Variants in ASB7 observed in about 807,000 individuals in gnomAD.
The protein encoded by ASB7 is ankyrin repeat and SOCS box protein 7.
A neutral mutation model predicts 32.5 loss-of-function variants in ASB7; 4 were observed. The observed-to-expected ratio is 0.12, with a 90% CI of 0.06 to 0.28. ASB7 has a LOEUF of 0.28. Among genes scored for constraint, ASB7 ranks in the 10% least tolerant of loss-of-function variants. The pLI, the probability that ASB7 is intolerant of heterozygous loss-of-function variation, is 1.00. For synonymous variants in ASB7, 172 were observed against 155.6 expected (o/e 1.11, Z -0.78); for missense variants, 181 against 407.1 (o/e 0.44, Z 4.78).
At chr15:100,606,202 T>C (rs1272573703) in intron 2 of ASB7, among the ~76,000 whole-genome samples, 1 of 152,068 alleles carries the variant, frequency 6.6e-6, no homozygotes, top group African/African-American at 2.4e-5. Flanking sequence ...GTTTTTTTTT[T>C]CTCAGACCCA....
intron 5 of ASB7, among the ~76,000 whole-genome samples, chr15:100,636,280 G>A (rs1350285755): frequency 6.6e-6 from 1 of 152,152 alleles, no homozygotes; most frequent in Non-Finnish European, 1.5e-5. Context: ...TTGACTTTGA[G>A]TTTGTTCAGG....
In ASB7 at chr15:100,651,669, A is replaced by G. The variant is rs559477787; in HGVS notation, c.*3207A>G. The G allele has an allele frequency of 7.9e-5, 12 of 152,322 alleles. No homozygotes were observed. The highest frequency in any genetic ancestry group is 2.9e-4 in the African/African-American group (12 of 41,562). 9.4% of individuals were successfully genotyped at this position (152,322 alleles called of 1,614,324 possible). On this transcript the variant is annotated 3_prime_UTR_variant, in exon 6 of 6. Coordinates refer to ENST00000332783, the MANE Select transcript of ASB7 (RefSeq NM_198243.3). ...TTAATGTAAGTTTTGCTTTGGGTCA[A>G]TTTGAATTAAAAAAATCAAATCTGA...
At chr15:100,624,714 C>T (rs1000720234) in intron 4 of ASB7, among the ~76,000 whole-genome samples, 5 of 152,110 alleles carry the variant, frequency 3.3e-5, no homozygotes, top group African/African-American at 4.8e-5. Context: ...TATTAAAGGA[C>T]GTAAATAAGG....
intron 4 of ASB7, among the ~76,000 whole-genome samples, chr15:100,616,563 A>T (rs1024022157): frequency 6.6e-6 from 1 of 152,340 alleles, no homozygotes; most frequent in South Asian, 2.1e-4. Flanking sequence ...AGCCTAAATC[A>T]TGCCTTCTTT....
At chr15:100,622,659 G>A (rs1166993029) in intron 4 of ASB7, among the ~76,000 whole-genome samples, 1 of 152,142 alleles carries the variant, frequency 6.6e-6, no homozygotes, top group Non-Finnish European at 1.5e-5. Context: ...TTAGTAAACT[G>A]ATTTTCGACA....
At chr15:100,637,614 T>C (rs1429717040) in intron 5 of ASB7, among the ~76,000 whole-genome samples, 1 of 152,152 alleles carries the variant, frequency 6.6e-6, no homozygotes, top group Non-Finnish European at 1.5e-5. Flanking sequence ...TGGATTTTAA[T>C]GTAACAGAGT....
At chr15:100,631,748 A>C (rs978314473) in intron 5 of ASB7, among the ~76,000 whole-genome samples, 1 of 152,202 alleles carries the variant, frequency 6.6e-6, no homozygotes, top group Non-Finnish European at 1.5e-5. Flanking sequence ...CCTCACCTTC[A>C]AATTAAGATA....
intron 4 of ASB7, among the ~76,000 whole-genome samples, chr15:100,616,425 G>T (rs768947727): frequency 1.3e-5 from 2 of 152,108 alleles, no homozygotes; most frequent in Non-Finnish European, 2.9e-5. Flanking sequence ...GAAGTATACT[G>T]CAGGGTCATT....
At chr15:100,608,029 G>A (rs2039662226) in intron 2 of ASB7, among the ~76,000 whole-genome samples, 1 of 152,196 alleles carries the variant, frequency 6.6e-6, no homozygotes, top group Non-Finnish European at 1.5e-5. Context: ...CTTCAGGCTT[G>A]AAGCTATGTT....
intron 4 of ASB7, among the ~76,000 whole-genome samples, chr15:100,622,117 A>G (rs1253219859): frequency 1.3e-5 from 2 of 152,146 alleles, no homozygotes; most frequent in Non-Finnish European, 2.9e-5. Flanking sequence ...AAATCAACAT[A>G]CAAAAATCAG....
At chr15:100,604,367 C>T (rs1198152191) in intron 2 of ASB7, among the ~76,000 whole-genome samples, 2 of 152,112 alleles carry the variant, frequency 1.3e-5, no homozygotes, top group African/African-American at 2.4e-5. Flanking sequence ...AAATGGATGA[C>T]TTTTTTAACA....
At chr15:100,610,227 G>T (rs886100431) in intron 3 of ASB7, among the ~76,000 whole-genome samples, 2 of 152,102 alleles carry the variant, frequency 1.3e-5, no homozygotes, top group Non-Finnish European at 2.9e-5. Flanking sequence ...GGGCGCAGTG[G>T]CTCACGCCTG....
At position 100,648,436 on chromosome 15, in the gene ASB7, T is replaced by C; in HGVS notation, c.931T>C (p.Leu311=). The stretch of plus-strand genomic sequence containing the variant: ...AATTGCCAAGGTCATGAAAGACTAC[T>C]TAAAACACAAATTTGATGATATCTG... ...LPIAKVMKDY[L]KHKFDDI The change falls in exon 6 of 6, where the codon TTA becomes CTA. Residue 311 remains leucine (L), a synonymous_variant. Coordinates refer to ENST00000332783, the MANE Select transcript of ASB7 (RefSeq NM_198243.3). 6.2e-7 allele frequency: 1 copy of C among 1,609,392 alleles called. No homozygotes were observed. Among genetic ancestry groups the C allele is most frequent in the Non-Finnish European group, 8.5e-7 (1 of 1,176,092 alleles).
At position 100,633,034 on chromosome 15, in the gene ASB7, C is replaced by A. The variant is rs141576380; in HGVS notation, c.817+2992C>A. 3.0e-3 allele frequency among the ~76,000 whole-genome samples: 456 copies of A among 151,834 alleles called. 5 individuals carry two copies. The highest frequency in any genetic ancestry group is 0.01 in the African/African-American group (430 of 41,384). ...CCTCCCCCTTCCAGGACGTCAGGAG[C>A]GCAGCAGGGCCCATCCATGGAGGAG... On this transcript the variant is annotated intron_variant, in intron 5 of 5. Transcript: ENST00000332783.
intron 4 of ASB7, among the ~76,000 whole-genome samples, chr15:100,617,982 T>C (rs2039758598): frequency 6.6e-6 from 1 of 152,144 alleles, no homozygotes; most frequent in Admixed American, 6.5e-5. Context: ...CCCCACGGGG[T>C]CTCCCTGTGT....
intron 5 of ASB7, 83 bp downstream of exon 5, chr15:100,630,125 A>G: frequency 7.0e-7 from 1 of 1,420,492 alleles, no homozygotes; most frequent in Non-Finnish European, 9.2e-7. Context: ...GCAACTTAAG[A>G]TGACTAGATA....
In ASB7 at chr15:100,650,059, C is replaced by G. The variant is rs2040020908; in HGVS notation, c.*1597C>G. The G allele has an allele frequency of 6.6e-6, 1 of 152,210 alleles. No homozygotes were observed. Among genetic ancestry groups the G allele is most frequent in the African/African-American group, 2.4e-5 (1 of 41,444 alleles). The allele number at this position is 152,210 out of a possible 1,614,324, so 9.4% of individuals were successfully genotyped here. On this transcript the variant is annotated 3_prime_UTR_variant, in exon 6 of 6. Coordinates refer to ENST00000332783, the MANE Select transcript of ASB7 (RefSeq NM_198243.3). ...ACAGCGTTTGCTCTTAGACTCTGAT[C>G]TGCTTGTGCCTAAGCATTGCACAGG...
At chr15:100,626,452 A>G (rs917367788) in intron 4 of ASB7, among the ~76,000 whole-genome samples, 1 of 152,204 alleles carries the variant, frequency 6.6e-6, no homozygotes, top group Admixed American at 6.5e-5. Context: ...GACTAATGAT[A>G]CCAAGATGTA....
intron 2 of ASB7, among the ~76,000 whole-genome samples, chr15:100,606,797 A>G (rs1189795836): frequency 1.3e-5 from 2 of 152,136 alleles, no homozygotes; most frequent in African/African-American, 4.8e-5. Context: ...TCTGAAGATC[A>G]TACCCTCAGA....
Sources: gnomAD v4.1 joint callset for allele counts (sites outside exome capture counted in the v4.1 genomes callset) on GRCh38, gnomAD v4.1.1 for gene constraint, MANE v1.5 for transcripts, NCBI Gene and HGNC (gene_info 2026-07-23, HGNC 2026-07-21) for gene names.